RIMS1: variants seen among roughly 807,000 people sequenced by gnomAD.
RIMS1 encodes the protein regulating synaptic membrane exocytosis protein 1.
Under a neutral mutation model 214.1 loss-of-function variants are expected in RIMS1, and 83 were observed. The observed-to-expected ratio is 0.39, with a 90% CI of 0.32 to 0.47. The LOEUF (loss-of-function observed/expected upper bound fraction) is 0.47. Among genes scored for constraint, RIMS1 ranks in the 20% least tolerant of loss-of-function variants. The probability of loss-of-function intolerance (pLI) is 0.99; values close to 1 mark genes in which losing one functional copy is unlikely to be tolerated. For missense variants in RIMS1, 2,050 were observed against 2,161.8 expected (o/e 0.95, Z 1.03); for synonymous variants, 793 against 786.8 (o/e 1.01, Z -0.13).
intron 2 of RIMS1, among the ~76,000 whole-genome samples, chr6:72,055,356 A>G (rs1253293552): frequency 1.3e-5 from 2 of 152,212 alleles, no homozygotes; most frequent in Non-Finnish European, 2.9e-5. Context: ...TCCTTTAAAG[A>G]TGAAGAAACT....
intron 9 of RIMS1, among the ~76,000 whole-genome samples, chr6:72,240,448 TG>T (rs2066251011): frequency 6.6e-6 from 1 of 151,628 alleles, no homozygotes; most frequent in Admixed American, 6.6e-5. Context: ...GTTTCATAAA[TG>T]TTTTTTAGTG....
chr6:72,073,861 T>G (rs1359517755), intron 2 of RIMS1, among the ~76,000 whole-genome samples: 2 of 152,210 alleles, frequency 1.3e-5, no homozygotes, highest in Admixed American at 1.3e-4. Context: ...TTTGCCCCCT[T>G]AAGTACACAT....
intron 28 of RIMS1, among the ~76,000 whole-genome samples, chr6:72,330,281 G>A (rs2096614927): frequency 6.6e-6 from 1 of 151,782 alleles, no homozygotes; most frequent in South Asian, 2.1e-4. Context: ...TTAGTGAAAT[G>A]TTAGGGACAA....
intron 6 of RIMS1, among the ~76,000 whole-genome samples, chr6:72,229,088 G>A (rs1325792582): frequency 3.3e-5 from 5 of 151,486 alleles, no homozygotes; most frequent in African/African-American, 1.2e-4. Flanking sequence ...TTGATTTTAA[G>A]TTACTTAAAA....
chr6:72,033,485 T>A (rs1818726890), intron 2 of RIMS1, among the ~76,000 whole-genome samples: 1 of 152,166 alleles, frequency 6.6e-6, no homozygotes, highest in Non-Finnish European at 1.5e-5. Flanking sequence ...ATTGCCAATT[T>A]TTTTTCCTTT....
At position 72,196,603 on chromosome 6, in the gene RIMS1, T is replaced by TTTTTTTTTTTTTTTTTA. The variant is rs780611745; in HGVS notation, c.1678+13454_1678+13455insTTTTTTTTTTTTTTTTA. Among the ~76,000 whole-genome samples, 64 of 132,282 alleles carry TTTTTTTTTTTTTTTTTA rather than the reference T, an allele frequency of 4.8e-4. 1 individual carries two copies. Among genetic ancestry groups the TTTTTTTTTTTTTTTTTA allele is most frequent in the African/African-American group, 9.1e-4 (33 of 36,068 alleles). 86.8% of individuals were successfully genotyped at this position (132,282 alleles called of 152,430 possible). A position where few individuals can be genotyped will look rare whatever the true frequency, so the allele number is the denominator to read the frequency against. ...CACTTTTTTTTTTTTTTTTTTTTTTTACCTATACAGGAAATGGGTTAAAAG... is the reference window on the plus strand; with the variant it reads ...CACTTTTTTTTTTTTTTTTTTTTTTTTTTTTTTTTTTTTTTTAACCTATACAGGAAATGGGTTAAAAG... On this transcript the variant is annotated intron_variant, in intron 6 of 33. Coordinates refer to ENST00000521978, the MANE Select transcript of RIMS1 (RefSeq NM_014989.7).
At chr6:71,950,792 G>T (rs1025675604) in intron 1 of RIMS1, among the ~76,000 whole-genome samples, 1 of 152,110 alleles carries the variant, frequency 6.6e-6, no homozygotes, top group East Asian at 1.9e-4. Flanking sequence ...AAGTATTATG[G>T]TCTGATGCAT....
At chr6:71,999,528 G>A (rs1272714810) in intron 2 of RIMS1, among the ~76,000 whole-genome samples, 3 of 152,028 alleles carry the variant, frequency 2.0e-5, no homozygotes, top group African/African-American at 7.2e-5. Context: ...TCAGAATTCT[G>A]TTGATTCTGC....
intron 2 of RIMS1, among the ~76,000 whole-genome samples, chr6:72,043,062 C>T (rs1383552530): frequency 1.3e-5 from 2 of 151,698 alleles, no homozygotes. Context: ...AGCTCTTACA[C>T]TACACCCACT....
chr6:72,062,011 T>C (rs1827993804), intron 2 of RIMS1, among the ~76,000 whole-genome samples: 1 of 152,210 alleles, frequency 6.6e-6, no homozygotes, highest in African/African-American at 2.4e-5. Flanking sequence ...GAAACCATTT[T>C]ATGTTGGCAC....
intron 1 of RIMS1, among the ~76,000 whole-genome samples, chr6:71,895,846 A>C (rs1477732515): frequency 1.3e-5 from 2 of 152,204 alleles, no homozygotes; most frequent in Non-Finnish European, 2.9e-5. Context: ...TTCTTTAACT[A>C]TATGGTAGTA....
intron 2 of RIMS1, among the ~76,000 whole-genome samples, chr6:72,090,032 A>C: frequency 1.4e-5 from 1 of 72,726 alleles, no homozygotes; most frequent in South Asian, 5.8e-4. Context: ...GGGTGGGGGG[A>C]GGGGGGAGGG....
At chr6:72,325,939 A>C (rs1025842967) in intron 28 of RIMS1, among the ~76,000 whole-genome samples, 3 of 151,848 alleles carry the variant, frequency 2.0e-5, no homozygotes, top group African/African-American at 7.2e-5. Flanking sequence ...TGAAAATTAT[A>C]GGATGGATGC....
At chr6:72,192,391 G>T (rs750906510) in intron 6 of RIMS1, among the ~76,000 whole-genome samples, 1 of 152,168 alleles carries the variant, frequency 6.6e-6, no homozygotes, top group South Asian at 2.1e-4. Context: ...ATAAATTGTC[G>T]ATAGTGTAGT....
In RIMS1 at chr6:71,945,988, A is replaced by G. The variant is rs573621556; in HGVS notation, c.165-22995A>G. On this transcript the variant is annotated intron_variant, in intron 1 of 33. Transcript: ENST00000521978. ...TTCCACCAAAAAACTGTTTGAACTGATGAATGAATTGAGTAGAGTTACCTG... is the reference window on the plus strand; with the variant it reads ...TTCCACCAAAAAACTGTTTGAACTGGTGAATGAATTGAGTAGAGTTACCTG... Among the ~76,000 whole-genome samples, 8 of 152,176 alleles carry G rather than the reference A, an allele frequency of 5.3e-5. No homozygotes were observed. In the East Asian group the frequency reaches 1.5e-3, roughly 29 times the overall value.
At chr6:72,011,436 A>G (rs149359383) in intron 2 of RIMS1, among the ~76,000 whole-genome samples, 10,202 of 152,306 alleles carry the variant, frequency 0.067, 385 homozygotes, top group Non-Finnish European at 0.082. Flanking sequence ...CATCATGTCT[A>G]AAACACCAAA....
chr6:72,257,994 A>G (rs1050513296), intron 16 of RIMS1, 131 bp from the exon 17 acceptor site: 11 of 767,954 alleles, frequency 1.4e-5, no homozygotes, highest in African/African-American at 1.7e-5. Flanking sequence ...AGATAAGGCT[A>G]TTAATACCGA....
chr6:71,915,884 T>C (rs1224071594), intron 1 of RIMS1, among the ~76,000 whole-genome samples: 1 of 152,072 alleles, frequency 6.6e-6, no homozygotes, highest in African/African-American at 2.4e-5. Flanking sequence ...AGTCATGTCT[T>C]ATATGGCAGC....
intron 30 of RIMS1, chr6:72,390,937 G>T: frequency 4.3e-6 from 2 of 462,868 alleles, no homozygotes; most frequent in Non-Finnish European, 7.4e-6. Flanking sequence ...CCTTTCAAAG[G>T]GTGAAGAAAT....
Sources: gnomAD v4.1 joint callset for allele counts (sites outside exome capture counted in the v4.1 genomes callset) on GRCh38, gnomAD v4.1.1 for gene constraint, MANE v1.5 for transcripts, NCBI Gene and HGNC (gene_info 2026-07-23, HGNC 2026-07-21) for gene names.